Variants in HDAC9 observed in about 807,000 individuals in gnomAD.
HDAC9 encodes the protein MEF-2 interacting transcription repressor (MITR) protein.
HDAC9 carries 41 observed loss-of-function variants against 139.4 expected under a neutral mutation model. That is an observed-to-expected ratio of 0.29 (90% confidence interval 0.23 to 0.38). HDAC9 has a LOEUF of 0.38. Ranked by LOEUF, HDAC9 falls within the 10% of genes least tolerant of loss-of-function variation. The pLI is 1.00. For synonymous variants in HDAC9, 517 were observed against 476.2 expected, an observed-to-expected ratio of 1.09 and a Z score of -1.12; for missense variants, 1,147 against 1,297.0, an observed-to-expected ratio of 0.88 and a Z score of 1.78.
chr7:18,501,013 GA>G (rs1798218939), intron 2 of HDAC9, among the ~76,000 whole-genome samples: 1 of 151,884 alleles, frequency 6.6e-6, no homozygotes, highest in African/African-American at 2.4e-5. Flanking sequence ...ACATAAAGAT[GA>G]AAGGTTTGAA....
At chr7:18,832,440 G>T (rs1189393344) in intron 19 of HDAC9, among the ~76,000 whole-genome samples, 1 of 152,160 alleles carries the variant, frequency 6.6e-6, no homozygotes, top group African/African-American at 2.4e-5. Context: ...AAAATATACA[G>T]GTTCTAAATC....
intron 19 of HDAC9, among the ~76,000 whole-genome samples, chr7:18,834,952 G>A (rs1457062438): frequency 6.6e-6 from 1 of 152,188 alleles, no homozygotes; most frequent in African/African-American, 2.4e-5. Context: ...TGCTCTGTAA[G>A]CCATAGATCC....
chr7:18,208,818 A>G (rs1429255508), intron 2 of HDAC9, among the ~76,000 whole-genome samples: 1 of 152,268 alleles, frequency 6.6e-6, no homozygotes, highest in Admixed American at 6.5e-5. Flanking sequence ...AATGAAAAAT[A>G]AAGAGAGACT....
At chr7:18,778,868 C>T (rs1297579067) in intron 16 of HDAC9, among the ~76,000 whole-genome samples, 1 of 152,036 alleles carries the variant, frequency 6.6e-6, no homozygotes, top group Non-Finnish European at 1.5e-5. Context: ...CTAGAAATTG[C>T]ACATGCAAGG....
intron 1 of HDAC9, among the ~76,000 whole-genome samples, chr7:18,307,542 CT>C (rs1423763179): frequency 2.6e-5 from 4 of 152,190 alleles, no homozygotes; most frequent in Non-Finnish European, 5.9e-5. Flanking sequence ...ATGGCTCACG[CT>C]TGCATTCCCA....
chr7:18,454,139 A>G (rs1255626420), intron 1 of HDAC9, among the ~76,000 whole-genome samples: 1 of 152,140 alleles, frequency 6.6e-6, no homozygotes, highest in Non-Finnish European at 1.5e-5. Flanking sequence ...AGATGTAACA[A>G]AAAAGATCTA....
intron 24 of HDAC9, among the ~76,000 whole-genome samples, chr7:18,961,960 T>C (rs1783553050): frequency 6.6e-6 from 1 of 152,292 alleles, no homozygotes; most frequent in Admixed American, 6.5e-5. Context: ...AGTGACATAT[T>C]TAGACAAAAT....
chr7:18,291,015 T>C (rs1219669231), intron 1 of HDAC9, among the ~76,000 whole-genome samples: 1 of 152,190 alleles, frequency 6.6e-6, no homozygotes, highest in African/African-American at 2.4e-5. Flanking sequence ...AGATTTCCCA[T>C]GCATCTATCA....
At position 18,732,991 on chromosome 7, in the gene HDAC9, GTA is replaced by G. The variant is rs200864414; in HGVS notation, c.1909+5236_1909+5237del. Among the ~76,000 whole-genome samples the G allele has an allele frequency of 5.7e-4, 81 of 142,856 alleles. 1 individual carries two copies. The highest frequency in any genetic ancestry group is 5.2e-3 in the East Asian group (25 of 4,798). 93.7% of individuals were successfully genotyped at this position (142,856 alleles called of 152,430 possible). A position where few individuals can be genotyped will look rare whatever the true frequency, so the allele number is the denominator to read the frequency against. On this transcript the variant is annotated intron_variant, in intron 13 of 25. Coordinates refer to ENST00000686413, the MANE Select transcript of HDAC9 (RefSeq NM_178425.4). ...TGTATATACACATGTGTATGTGTGT[GTA>G]TGTGTATATACACATGTGTATGTGT...
intron 2 of HDAC9, among the ~76,000 whole-genome samples, chr7:18,236,685 C>T (rs1284308397): frequency 6.6e-6 from 1 of 152,060 alleles, no homozygotes; most frequent in Non-Finnish European, 1.5e-5. Context: ...CTTGGTGCCT[C>T]ATGTAGTGTC....
In HDAC9 at chr7:18,235,258, G is replaced by T. The variant is rs142218647; in HGVS notation, c.25+72909G>T. On this transcript the variant is annotated intron_variant, in intron 2 of 12. Coordinates refer to the HDAC9 transcript ENST00000417496. ...AATCTTTATCACTTTATCAAAATCT[G>T]ACTATCACTATATTGAAGTTTACCA... Among the ~76,000 whole-genome samples the T allele has an allele frequency of 1.5e-3, 235 of 152,170 alleles. 1 individual carries two copies. Among genetic ancestry groups the T allele is most frequent in the African/African-American group, 5.4e-3 (223 of 41,536 alleles).
chr7:18,155,093 C>CTTTCTTTCTT (rs761803907), intron 1 of HDAC9, among the ~76,000 whole-genome samples: 66 of 141,716 alleles, frequency 4.7e-4, no homozygotes, highest in Admixed American at 1.8e-3. Flanking sequence ...TTCTTTCTTT[C>CTTTCTTTCTT]TTTTTTTTTT....
intron 22 of HDAC9, among the ~76,000 whole-genome samples, chr7:18,901,211 T>TACACACAC (rs1256127418): frequency 1.6e-5 from 2 of 127,208 alleles, no homozygotes; most frequent in African/African-American, 6.8e-5. Context: ...TATATACATA[T>TACACACAC]ATATATATAT....
intron 22 of HDAC9, among the ~76,000 whole-genome samples, chr7:18,909,773 G>A (rs934972021): frequency 6.6e-6 from 1 of 151,928 alleles, no homozygotes; most frequent in Non-Finnish European, 1.5e-5. Context: ...CTCTATATAT[G>A]TGGGCTTATT....
At chr7:18,850,893 G>T (rs1436054692) in intron 21 of HDAC9, among the ~76,000 whole-genome samples, 1 of 152,146 alleles carries the variant, frequency 6.6e-6, no homozygotes, top group East Asian at 1.9e-4. Context: ...CAACTCTGTA[G>T]GTTTTCTTTC....
At chr7:18,154,153 T>G (rs1231259986) in intron 1 of HDAC9, among the ~76,000 whole-genome samples, 1 of 151,596 alleles carries the variant, frequency 6.6e-6, no homozygotes, top group Non-Finnish European at 1.5e-5. Flanking sequence ...TAACTTACAG[T>G]TTTTTTTTCT....
intron 23 of HDAC9, among the ~76,000 whole-genome samples, chr7:18,944,520 AT>A (rs1201492073): frequency 2.0e-5 from 3 of 151,876 alleles, no homozygotes; most frequent in Admixed American, 2.0e-4. Flanking sequence ...AGTGCTTTTA[AT>A]TTTTTTTGGA....
At position 18,577,185 on chromosome 7, in the gene HDAC9, G is replaced by T. The variant is rs1046739952; in HGVS notation, c.23-8096G>T. 2.0e-5 allele frequency among the ~76,000 whole-genome samples: 3 copies of T among 152,214 alleles called. No individual in the cohort carries two copies. The East Asian group carries it at 5.8e-4, about 29-fold the overall frequency. On this transcript the variant is annotated intron_variant, in intron 2 of 25. Coordinates refer to ENST00000686413, the MANE Select transcript of HDAC9 (RefSeq NM_178425.4). ...AGGCTGCTGAGGGGTTGAATAACTT[G>T]TCTCTCTGACAGTGGTGGCCATGGC...
At chr7:18,319,541 G>T (rs550029379) in intron 1 of HDAC9, among the ~76,000 whole-genome samples, 1 of 152,152 alleles carries the variant, frequency 6.6e-6, no homozygotes, top group Non-Finnish European at 1.5e-5. Flanking sequence ...AATTTTATGA[G>T]TTCCCCATCA....
Sources: gnomAD v4.1 joint callset for allele counts (sites outside exome capture counted in the v4.1 genomes callset) on GRCh38, gnomAD v4.1.1 for gene constraint, MANE v1.5 for transcripts, NCBI Gene and HGNC (gene_info 2026-07-23, HGNC 2026-07-21) for gene names.